PPM1B: variants seen among roughly 807,000 people sequenced by gnomAD.
The protein encoded by PPM1B is protein phosphatase 1B.
Under a neutral mutation model 43.0 loss-of-function variants are expected in PPM1B, and 22 were observed. That is an observed-to-expected ratio of 0.51 (90% CI 0.37 to 0.73). The LOEUF (loss-of-function observed/expected upper bound fraction) is 0.73. Among genes scored for constraint, PPM1B ranks in the 30% least tolerant of loss-of-function variants. The pLI is 0.00. For missense variants in PPM1B, 632 were observed against 584.2 expected (o/e 1.08, Z -0.84); for synonymous variants, 217 against 197.9 (o/e 1.10, Z -0.81).
chr2:44,244,820 G>T (rs6746938), downstream of PPM1B, among the ~76,000 whole-genome samples: 4 of 129,912 alleles, frequency 3.1e-5, no homozygotes, highest in African/African-American at 5.9e-5. Context: ...AATTACTTGA[G>T]ATATATATAT....
At chr2:44,169,770 C>G (rs149885946) in intron 1 of PPM1B, among the ~76,000 whole-genome samples, 1 of 152,332 alleles carries the variant, frequency 6.6e-6, no homozygotes, top group East Asian at 1.9e-4. Flanking sequence ...GCGTTCTACC[C>G]TCGCCTTCCC....
At chr2:44,193,105 T>A (rs1428734752) in intron 1 of PPM1B, among the ~76,000 whole-genome samples, 1 of 152,222 alleles carries the variant, frequency 6.6e-6, no homozygotes, top group Non-Finnish European at 1.5e-5. Flanking sequence ...GATTGCTGGA[T>A]CATATGGTAA....
At chr2:44,199,803 G>C (rs1215772435) in intron 1 of PPM1B, among the ~76,000 whole-genome samples, 3 of 152,064 alleles carry the variant, frequency 2.0e-5, no homozygotes, top group African/African-American at 7.2e-5. Context: ...TATTAATACA[G>C]TATCACATAT....
In PPM1B at chr2:44,178,514, C is replaced by T. The variant is rs142691387; in HGVS notation, c.-15+9240C>T. On this transcript the variant is annotated intron_variant, in intron 1 of 5. Coordinates refer to ENST00000282412, the MANE Select transcript of PPM1B (RefSeq NM_002706.6). ...CAGAGTTTCGCTCTTGTCACCCAGG[C>T]TGGAGTGCAATGATGCAATCTTGGC... 2.1e-3 allele frequency among the ~76,000 whole-genome samples: 319 copies of T among 149,176 alleles called. No homozygotes were observed. The Middle Eastern group carries it at 0.021, about 10-fold the overall frequency.
At chr2:44,231,526 T>TTCTTCCA, downstream of PPM1B, 1 of 853,126 alleles carries the variant, frequency 1.2e-6, no homozygotes, top group Non-Finnish European at 1.4e-6. Context: ...AAGTTTGGTA[T>TTCTTCCA]ATTGGAAGAA....
chr2:44,186,778 A>G (rs936997381), intron 1 of PPM1B, among the ~76,000 whole-genome samples: 1 of 152,244 alleles, frequency 6.6e-6, no homozygotes, highest in Non-Finnish European at 1.5e-5. Flanking sequence ...TCTGTGGTCT[A>G]GTTTTGTTGA....
chr2:44,190,155 ATTT>A (rs35252924), intron 1 of PPM1B, among the ~76,000 whole-genome samples: 13 of 112,006 alleles, frequency 1.2e-4, no homozygotes, highest in Admixed American at 1.9e-4. Context: ...AGTTTATTTG[ATTT>A]TTTTTTTTTT....
At chr2:44,169,762 G>C (rs1356182408) in intron 1 of PPM1B, among the ~76,000 whole-genome samples, 9 of 152,114 alleles carry the variant, frequency 5.9e-5, no homozygotes, top group Admixed American at 5.9e-4. Context: ...CTGTCTATGC[G>C]TTCTACCCTC....
At position 44,209,247 on chromosome 2, in the gene PPM1B, T is replaced by A; in HGVS notation, c.884T>A (p.Phe295Tyr). 6.2e-7 allele frequency: 1 copy of A among 1,613,836 alleles called. No individual in the cohort carries two copies. The highest frequency in any genetic ancestry group is 8.5e-7 in the Non-Finnish European group (1 of 1,179,776). ...RDNMSIVLVC[F>Y]SNAPKVSDEA... ...AACATGAGTATTGTACTAGTTTGCTTTTCAAATGCTCCCAAGGTCTCAGAT... is the reference window on the plus strand; with the variant it reads ...AACATGAGTATTGTACTAGTTTGCTATTCAAATGCTCCCAAGGTCTCAGAT... The change falls in exon 3 of 6, where the codon TTT (phenylalanine) becomes TAT (tyrosine). Residue 295 changes from phenylalanine to tyrosine, a missense_variant. By Grantham distance (22) the Phe-to-Tyr change is conservative. Transcript: ENST00000282412.
At chr2:44,185,185 A>G (rs1668061390) in intron 1 of PPM1B, among the ~76,000 whole-genome samples, 1 of 151,948 alleles carries the variant, frequency 6.6e-6, no homozygotes, top group Non-Finnish European at 1.5e-5. Flanking sequence ...AGTTTCTTTC[A>G]GCATTGTTAA....
intron 1 of PPM1B, among the ~76,000 whole-genome samples, chr2:44,174,717 C>T (rs976273002): frequency 6.6e-6 from 1 of 152,164 alleles, no homozygotes; most frequent in East Asian, 1.9e-4. Context: ...AGAGTAATGT[C>T]AACTCATTTT....
At chr2:44,188,645 C>G (rs902210621) in intron 1 of PPM1B, among the ~76,000 whole-genome samples, 1 of 152,142 alleles carries the variant, frequency 6.6e-6, no homozygotes, top group Middle Eastern at 3.4e-3. Context: ...ATCCTCCTGC[C>G]TCAGCCTTCC....
At position 44,189,098 on chromosome 2, in the gene PPM1B, C is replaced by G. The variant is rs542150661; in HGVS notation, c.-14-12088C>G. Among the ~76,000 whole-genome samples the G allele has an allele frequency of 1.7e-3, 265 of 152,182 alleles. 1 individual carries two copies. Among genetic ancestry groups the G allele is most frequent in the African/African-American group, 6.0e-3 (248 of 41,538 alleles). On this transcript the variant is annotated intron_variant, in intron 1 of 5. Transcript: ENST00000282412. Reference sequence around the variant, plus strand: ...TATTGCCCAGGCTGGTCTTGAACTCCTGGGCTCAAGTAGTCCACCTACTTC... The same window carrying G: ...TATTGCCCAGGCTGGTCTTGAACTCGTGGGCTCAAGTAGTCCACCTACTTC...
downstream of PPM1B, among the ~76,000 whole-genome samples, chr2:44,244,887 T>G (rs1276061582): frequency 2.0e-5 from 3 of 150,476 alleles, no homozygotes; most frequent in Non-Finnish European, 4.4e-5. Context: ...TATGTGTATA[T>G]ATATACATAT....
intron 5 of PPM1B, chr2:44,219,028 G>A: frequency 3.1e-6 from 1 of 326,540 alleles, no homozygotes; most frequent in Non-Finnish European, 5.9e-6. Flanking sequence ...GGGTACATGA[G>A]TGTTGAGCTG....
chr2:44,192,855 A>G (rs1021393116), intron 1 of PPM1B, among the ~76,000 whole-genome samples: 1 of 152,208 alleles, frequency 6.6e-6, no homozygotes, highest in African/African-American at 2.4e-5. Context: ...ACTTAGCATA[A>G]TATCCTCCAG....
In PPM1B at chr2:44,241,011, T is replaced by A. The variant is rs1205675582; in HGVS notation, n.1547-3217T>A. Among the ~76,000 whole-genome samples the A allele has an allele frequency of 2.8e-5, 4 of 144,574 alleles. 1 individual carries two copies. Among genetic ancestry groups the A allele is most frequent in the East Asian group, 4.1e-4 (2 of 4,866 alleles). The allele number at this position is 144,574 out of a possible 152,430, so 94.8% of individuals were successfully genotyped here. A position where few individuals can be genotyped will look rare whatever the true frequency, so the allele number is the denominator to read the frequency against. On this transcript the variant is annotated intron_variant and non_coding_transcript_variant, in intron 5 of 5. Coordinates refer to the PPM1B transcript ENST00000378540. Reference sequence around the variant, plus strand: ...TGGGAAGCATCTTTATTTTTATTTTTTTTTTTTTTGAGACGGAGTTTCACT... The same window carrying A: ...TGGGAAGCATCTTTATTTTTATTTTATTTTTTTTTGAGACGGAGTTTCACT...
chr2:44,198,081 C>G (rs1322249057), intron 1 of PPM1B, among the ~76,000 whole-genome samples: 1 of 151,982 alleles, frequency 6.6e-6, no homozygotes, highest in African/African-American at 2.4e-5. Flanking sequence ...TCCATGTGCC[C>G]CCTCTAAAAA....
downstream of PPM1B, among the ~76,000 whole-genome samples, chr2:44,238,274 G>C (rs1383307047): frequency 6.6e-6 from 1 of 152,060 alleles, no homozygotes. Flanking sequence ...TTATTTTCAT[G>C]AGATTTTGCC....
Sources: gnomAD v4.1 joint callset for allele counts (sites outside exome capture counted in the v4.1 genomes callset) on GRCh38, gnomAD v4.1.1 for gene constraint, MANE v1.5 for transcripts, NCBI Gene and HGNC (gene_info 2026-07-23, HGNC 2026-07-21) for gene names.